SGCZ: variants seen among roughly 807,000 people sequenced by gnomAD.
SGCZ encodes zeta-sarcoglycan.
Under a neutral mutation model 41.3 loss-of-function variants are expected in SGCZ, and 40 were observed. That is an observed-to-expected ratio of 0.97 (90% CI 0.75 to 1.26). The LOEUF is 1.26. Ranked by LOEUF, SGCZ falls within the 50% of genes most tolerant of loss-of-function variation. The pLI is 0.00. For missense variants in SGCZ, 552 were observed against 369.8 expected (o/e 1.49, Z -4.04); for synonymous variants, 206 against 137.5 (o/e 1.50, Z -3.49).
intron 1 of SGCZ, among the ~76,000 whole-genome samples, chr8:15,197,578 A>G (rs764796846): frequency 6.6e-6 from 1 of 152,182 alleles, no homozygotes; most frequent in African/African-American, 2.4e-5. Flanking sequence ...CACAGAATCA[A>G]TGAAAATGTG....
At chr8:14,139,520 G>A (rs569557719) in intron 5 of SGCZ, among the ~76,000 whole-genome samples, 53 of 151,994 alleles carry the variant, frequency 3.5e-4, no homozygotes, top group Middle Eastern at 6.8e-3. Context: ...ACCACTGATC[G>A]CACAGTAATA....
chr8:14,533,528 T>G (rs781216871), intron 2 of SGCZ, among the ~76,000 whole-genome samples: 3 of 151,980 alleles, frequency 2.0e-5, no homozygotes, highest in South Asian at 2.1e-4. Flanking sequence ...AATAGAACAT[T>G]TAGATATATT....
In SGCZ at chr8:14,356,426, A is replaced by G. The variant is rs75148242; in HGVS notation, c.235-32222T>C. ...TAGAGAAAAACTACAGAGAAAAATC[A>G]TGATGAACAAATGGAAATACTGTAT... is the stretch of plus-strand genomic sequence containing the variant. On this transcript the variant is annotated intron_variant, in intron 2 of 7. Transcript: ENST00000382080. Among the ~76,000 whole-genome samples, 612 of 152,262 alleles carry G rather than the reference A, an allele frequency of 4.0e-3. 4 individuals carry two copies. The highest frequency in any genetic ancestry group is 0.01 in the Middle Eastern group (3 of 294).
At chr8:14,839,101 G>A (rs1802809520) in intron 1 of SGCZ, among the ~76,000 whole-genome samples, 1 of 152,142 alleles carries the variant, frequency 6.6e-6, no homozygotes, top group African/African-American at 2.4e-5. Flanking sequence ...CTGAATTCAG[G>A]AAGATCGAAA....
intron 1 of SGCZ, among the ~76,000 whole-genome samples, chr8:15,159,921 A>C (rs1247286825): frequency 7.2e-5 from 11 of 151,814 alleles, no homozygotes; most frequent in Admixed American, 7.2e-4. Flanking sequence ...GCCAATAGGC[A>C]CTTAGGGGGA....
chr8:14,583,743 T>C (rs1308632670), intron 1 of SGCZ, among the ~76,000 whole-genome samples: 1 of 152,068 alleles, frequency 6.6e-6, no homozygotes, highest in East Asian at 1.9e-4. Flanking sequence ...TTTCAGAGAG[T>C]AAAAATGTCT....
At chr8:15,068,384 A>G (rs189192808) in intron 1 of SGCZ, among the ~76,000 whole-genome samples, 27 of 152,324 alleles carry the variant, frequency 1.8e-4, no homozygotes, top group African/African-American at 6.0e-4. Flanking sequence ...TTTAGAGTTG[A>G]AATATGTAAT....
At chr8:15,231,271 A>G (rs776484618) in intron 1 of SGCZ, among the ~76,000 whole-genome samples, 4 of 152,234 alleles carry the variant, frequency 2.6e-5, no homozygotes, top group Non-Finnish European at 5.9e-5. Flanking sequence ...TCAACTTGGC[A>G]TAGAACACTC....
At chr8:14,263,770 G>A (rs139750420) in intron 3 of SGCZ, among the ~76,000 whole-genome samples, 1 of 152,176 alleles carries the variant, frequency 6.6e-6, no homozygotes, top group East Asian at 1.9e-4. Context: ...AACAAAAAAA[G>A]ATGCAATGAA....
chr8:14,343,329 T>C (rs1465173757), intron 2 of SGCZ, among the ~76,000 whole-genome samples: 3 of 152,034 alleles, frequency 2.0e-5, no homozygotes, highest in African/African-American at 4.8e-5. Context: ...CCCAGAATGG[T>C]AGATCCACTG....
At chr8:14,800,990 A>G (rs986671759) in intron 1 of SGCZ, among the ~76,000 whole-genome samples, 6 of 152,190 alleles carry the variant, frequency 3.9e-5, no homozygotes, top group African/African-American at 1.4e-4. Context: ...AACAAAGGAA[A>G]CTAGCTCCGA....
At chr8:15,212,351 C>G (rs1209945431) in intron 1 of SGCZ, among the ~76,000 whole-genome samples, 7 of 152,098 alleles carry the variant, frequency 4.6e-5, no homozygotes, top group Admixed American at 3.3e-4. Flanking sequence ...GGTGGATTCA[C>G]TCTGCTTGAT....
At chr8:14,214,659 T>C (rs1386005628) in intron 4 of SGCZ, among the ~76,000 whole-genome samples, 3 of 152,008 alleles carry the variant, frequency 2.0e-5, no homozygotes, top group African/African-American at 7.2e-5. Context: ...AATATAGGTA[T>C]ATTGAAAGTA....
At chr8:15,124,290 T>C (rs553446947) in intron 1 of SGCZ, among the ~76,000 whole-genome samples, 1 of 152,198 alleles carries the variant, frequency 6.6e-6, no homozygotes, top group East Asian at 1.9e-4. Context: ...ATTACAAGGA[T>C]GGAGAGAAAA....
At chr8:14,978,444 C>G (rs1801555441) in intron 1 of SGCZ, among the ~76,000 whole-genome samples, 1 of 120,816 alleles carries the variant, frequency 8.3e-6, no homozygotes, top group Non-Finnish European at 1.6e-5. Context: ...GCACTCTAGC[C>G]TGGAGGACCG....
At chr8:14,472,916 CAA>C (rs1801253592) in intron 2 of SGCZ, among the ~76,000 whole-genome samples, 3 of 152,146 alleles carry the variant, frequency 2.0e-5, no homozygotes, top group Non-Finnish European at 4.4e-5. Context: ...CCCTAAACCA[CAA>C]AAGTTACCCC....
At chr8:14,110,082 AT>A (rs1353217098) in intron 5 of SGCZ, among the ~76,000 whole-genome samples, 1 of 152,014 alleles carries the variant, frequency 6.6e-6, no homozygotes, top group Non-Finnish European at 1.5e-5. Context: ...TATTTATTTT[AT>A]TTCTACTAGT....
intron 1 of SGCZ, among the ~76,000 whole-genome samples, chr8:14,850,839 C>T (rs1803291440): frequency 6.6e-6 from 1 of 152,162 alleles, no homozygotes; most frequent in South Asian, 2.1e-4. Context: ...TCACTCAGTA[C>T]TTCTCCTTCC....
chr8:14,958,551 G>C lies in SGCZ; in HGVS notation c.39+279034C>G, dbSNP rs556911913. The stretch of plus-strand genomic sequence containing the variant: ...AAACGATTTGTGGTGAAAAAAATGA[G>C]AAGTGACTGTGGAGGTGGAAACTGA... On this transcript the variant is annotated intron_variant, in intron 1 of 7. Coordinates refer to ENST00000382080, the MANE Select transcript of SGCZ (RefSeq NM_139167.4). Among the ~76,000 whole-genome samples the C allele has an allele frequency of 2.0e-4, 31 of 152,068 alleles. No individual in the cohort carries two copies. In the South Asian group the frequency reaches 6.0e-3, roughly 29 times the overall value.
Sources: allele counts gnomAD v4.1 joint callset (sites outside exome capture counted in the v4.1 genomes callset), GRCh38; gene constraint gnomAD v4.1.1; transcripts MANE v1.5; gene names NCBI Gene and HGNC (gene_info 2026-07-23, HGNC 2026-07-21).